The following DST variants were observed in gnomAD, a reference collection of about 807,000 sequenced individuals.
DST encodes dystonin.
Under a neutral mutation model 875.2 loss-of-function variants are expected in DST, and 253 were observed. The observed-to-expected ratio is 0.29, with a 90% CI of 0.26 to 0.32. The LOEUF (loss-of-function observed/expected upper bound fraction) is 0.32, where lower values mean the gene tolerates loss of function less well. DST is among the 10% of genes least tolerant of loss of function. The pLI is 1.00. For synonymous variants in DST, 3,124 were observed against 3,197.1 expected (o/e 0.98, Z 0.77); for missense variants, 8,287 against 9,111.6 (o/e 0.91, Z 3.68).
At chr6:56,563,513 T>C (rs894132296) in intron 55 of DST, among the ~76,000 whole-genome samples, 22 of 152,192 alleles carry the variant, frequency 1.4e-4, no homozygotes, top group African/African-American at 5.3e-4. Flanking sequence ...GTTGCAAAAT[T>C]TGTCTCCCAT....
intron 51 of DST, among the ~76,000 whole-genome samples, 192 bp downstream of exon 51, chr6:56,573,487 C>T (rs1463268468): frequency 6.6e-6 from 1 of 152,186 alleles, no homozygotes; most frequent in East Asian, 1.9e-4. Flanking sequence ...TACACAAAGT[C>T]CTTCCTACAC....
chr6:56,815,472 A>G (rs180978917), intron 4 of DST, among the ~76,000 whole-genome samples: 41 of 152,358 alleles, frequency 2.7e-4, no homozygotes, highest in Admixed American at 1.3e-3. Flanking sequence ...ATCTAGCTTG[A>G]GTTTGTCATC....
chr6:56,947,750 C>T (rs1820360718), intron 2 of DST, among the ~76,000 whole-genome samples: 1 of 152,192 alleles, frequency 6.6e-6, no homozygotes, highest in Non-Finnish European at 1.5e-5. Context: ...GTACACCAAG[C>T]TCTGAAAACA....
At chr6:56,676,965 A>T (rs1317128972) in intron 9 of DST, among the ~76,000 whole-genome samples, 1 of 152,188 alleles carries the variant, frequency 6.6e-6, no homozygotes, top group Non-Finnish European at 1.5e-5. Flanking sequence ...CTTACACAAC[A>T]TAGTGACTAT....
rs556258491 is a variant in DST at position 56,656,131 on chromosome 6, T to C, written c.1215-4887A>G. Among the ~76,000 whole-genome samples the C allele has an allele frequency of 2.6e-5, 4 of 152,376 alleles. No individual in the cohort carries two copies. In the East Asian group the frequency reaches 7.7e-4, roughly 29 times the overall value. On this transcript the variant is annotated intron_variant, in intron 10 of 103. Coordinates refer to ENST00000680361, the MANE Select transcript of DST (RefSeq NM_001374736.1). Reference sequence around the variant, plus strand: ...TTTCTACTGACAAAACCACCATCTATGGCTTCCAGCCAAGTTTTAGAATCC... The same window carrying C: ...TTTCTACTGACAAAACCACCATCTACGGCTTCCAGCCAAGTTTTAGAATCC...
intron 69 of DST, among the ~76,000 whole-genome samples, chr6:56,518,522 G>A (rs550570429): frequency 2.6e-5 from 4 of 152,128 alleles, no homozygotes; most frequent in Admixed American, 6.5e-5. Flanking sequence ...CTGGATTTTC[G>A]TTTAAGCTTT....
chr6:56,863,049 C>T (rs918487627), intron 3 of DST: 1 of 152,256 alleles, frequency 6.6e-6, no homozygotes, highest in East Asian at 1.9e-4. Context: ...TCCAAGAGAC[C>T]TGCATTTTCT....
Position 56,632,969 on chromosome 6 carries a change from A to C in DST, c.3690T>G (p.Phe1230Leu). Residue 1230 changes from phenylalanine (F) to leucine (L), a missense_variant, in exon 28 of 104, where the codon TTT becomes TTG. Physicochemically the swap from Phe to Leu is conservative, Grantham distance 22 (BLOSUM62 0). This residue lies in a region of DST where 3,138 missense variants were observed against 3,116.6 expected (regional missense o/e 1.01). Coordinates refer to ENST00000680361, the MANE Select transcript of DST (RefSeq NM_001374736.1). Reference sequence around the variant, plus strand: ...CTTGGGATTCCTGGCTATCTTCCAGAAAATCTTCAAAACGAGATTGTAGAT... The same window carrying C: ...CTTGGGATTCCTGGCTATCTTCCAGCAAATCTTCAAAACGAGATTGTAGAT... ...LSNLQSRFED[F>L]LEDSQESQVF... 1.9e-6 allele frequency: 3 copies of C among 1,613,980 alleles called. No individual in the cohort carries two copies. Among genetic ancestry groups the C allele is most frequent in the Non-Finnish European group, 1.7e-6 (2 of 1,179,944 alleles).
chr6:56,826,863 G>C (rs970403388), intron 4 of DST, among the ~76,000 whole-genome samples: 1 of 152,176 alleles, frequency 6.6e-6, no homozygotes, highest in Non-Finnish European at 1.5e-5. Context: ...GTCTTCAGCA[G>C]CATCCTTTCT....
At chr6:56,466,966 G>A (rs1009811159) in intron 98 of DST, 3 of 152,112 alleles carry the variant, frequency 2.0e-5, no homozygotes, top group Admixed American at 6.5e-5. Flanking sequence ...CCTTTCAATA[G>A]ATCTCCAATA....
At chr6:56,847,422 C>G (rs1191681966) in intron 4 of DST, among the ~76,000 whole-genome samples, 1 of 152,234 alleles carries the variant, frequency 6.6e-6, no homozygotes, top group Non-Finnish European at 1.5e-5. Flanking sequence ...TTATGCCATT[C>G]CATTGCTTAA....
chr6:56,590,405 A>G (rs780639214), intron 49 of DST, among the ~76,000 whole-genome samples: 19 of 152,134 alleles, frequency 1.2e-4, no homozygotes, highest in Non-Finnish European at 2.4e-4. Context: ...TATTTTATGC[A>G]TTTTCTATAC....
Position 56,604,871 on chromosome 6 carries a change from T to C in DST, c.9757A>G (p.Ile3253Val). 6.2e-7 allele frequency: 1 copy of C among 1,612,750 alleles called. No individual in the cohort carries two copies. The highest frequency in any genetic ancestry group is 1.1e-5 in the South Asian group (1 of 91,046). ...GAAATTTCTGTTCCTCCTCCTGAGATGCTTTCTTTACTACAAAGATCATTG... is the reference window on the plus strand; with the variant it reads ...GAAATTTCTGTTCCTCCTCCTGAGACGCTTTCTTTACTACAAAGATCATTG... Reference protein sequence around the residue: ...QSNDLCSKESISGGGTEISQF... With the variant: ...QSNDLCSKESVSGGGTEISQF... Residue 3253 changes from isoleucine (I) to valine (V), a missense_variant, in exon 40 of 104, where the codon ATC (isoleucine) becomes GTC (valine). Coordinates refer to ENST00000680361, the MANE Select transcript of DST (RefSeq NM_001374736.1).
At chr6:56,933,484 G>A (rs1811333585) in intron 2 of DST, among the ~76,000 whole-genome samples, 1 of 152,210 alleles carries the variant, frequency 6.6e-6, no homozygotes, top group Non-Finnish European at 1.5e-5. Context: ...AAACCTCAGT[G>A]TGGATGTTTG....
chr6:56,634,010 G>C, intron 27 of DST, 122 bp downstream of exon 27: 1 of 1,156,758 alleles, frequency 8.6e-7, no homozygotes, highest in Non-Finnish European at 1.3e-6. Context: ...TTGAATAAAT[G>C]AATATTAGCA....
At chr6:56,780,408 G>C (rs958115802) in intron 4 of DST, among the ~76,000 whole-genome samples, 1 of 151,292 alleles carries the variant, frequency 6.6e-6, no homozygotes, top group Non-Finnish European at 1.5e-5. Context: ...ACTTTTTAAT[G>C]ATTGCCATTC....
chr6:56,858,891 T>C (rs1200032542), intron 3 of DST, among the ~76,000 whole-genome samples: 1 of 152,204 alleles, frequency 6.6e-6, no homozygotes, highest in Non-Finnish European at 1.5e-5. Flanking sequence ...GGATATTAAG[T>C]AACTTGTCCA....
Position 56,472,201 on chromosome 6 carries a change from C to G in DST, c.22016G>C (p.Ser7339Thr), listed in dbSNP as rs1324806917. The part of the protein sequence containing the change: ...RAGRKRFPAS[S>T]LYPSGSQTQI... ...TGTCTGTGACCCAGAGGGATACAAG[C>G]TTGATGCTGGAAAGCGTTTTCCTGT... The change falls in exon 94 of 104, where the codon AGC becomes ACC. Residue 7339 changes from serine (S) to threonine (T), a missense_variant. Transcript: ENST00000680361. 6 of 1,613,720 alleles carry G rather than the reference C, an allele frequency of 3.7e-6. No individual in the cohort carries two copies. The African/African-American group carries it at 5.3e-5, about 14-fold the overall frequency.
chr6:56,843,354 G>A (rs1217051908), intron 4 of DST: 2 of 1,193,672 alleles, frequency 1.7e-6, no homozygotes, highest in African/African-American at 1.6e-5. Flanking sequence ...CAGGCCTCCG[G>A]GCAGGCCGAT....
Sources: gnomAD v4.1 joint callset for allele counts (sites outside exome capture counted in the v4.1 genomes callset) on GRCh38, gnomAD v4.1.1 for gene constraint, gnomAD v4.1.1 regional missense constraint, MANE v1.5 for transcripts, NCBI Gene and HGNC (gene_info 2026-07-23, HGNC 2026-07-21) for gene names.